Variants in PARP8 observed in about 807,000 individuals in gnomAD.
PARP8 encodes the protein protein mono-ADP-ribosyltransferase PARP8.
A neutral mutation model predicts 124.1 loss-of-function variants in PARP8; 51 were observed. The ratio of observed to expected loss-of-function variants is 0.41; its 90% CI spans 0.33 to 0.52. The LOEUF is 0.52. Ranked by LOEUF, PARP8 falls within the 20% of genes least tolerant of loss-of-function variation. PARP8 has a pLI of 0.21. For synonymous variants in PARP8, 391 were observed against 361.5 expected (o/e 1.08, Z -0.93); for missense variants, 860 against 1,018.9 (o/e 0.84, Z 2.12).
chr5:50,685,022 T>A (rs893262518), intron 2 of PARP8, among the ~76,000 whole-genome samples: 1 of 152,212 alleles, frequency 6.6e-6, no homozygotes, highest in Non-Finnish European at 1.5e-5. Flanking sequence ...TTGTTTTTTT[T>A]AAAGAAATGC....
chr5:50,761,956 C>A, intron 6 of PARP8, 58 bp downstream of exon 6: 2 of 1,138,676 alleles, frequency 1.8e-6, no homozygotes, highest in South Asian at 2.7e-5. Context: ...CCATGTTGTC[C>A]TAGTGGTAAT....
At chr5:50,812,077 G>A (rs925304464) in intron 14 of PARP8, among the ~76,000 whole-genome samples, 2 of 152,210 alleles carry the variant, frequency 1.3e-5, no homozygotes, top group Admixed American at 6.5e-5. Context: ...AGAGTCGCAT[G>A]ATTTATAATC....
intron 21 of PARP8, 100 bp downstream of exon 21, chr5:50,828,484 T>C: frequency 9.8e-7 from 1 of 1,025,212 alleles, no homozygotes; most frequent in Non-Finnish European, 1.5e-6. Flanking sequence ...AGAGGAAGCA[T>C]GTGAGTAAGA....
At chr5:50,821,484 T>C in intron 16 of PARP8, 146 bp downstream of exon 16, 1 of 909,892 alleles carries the variant, frequency 1.1e-6, no homozygotes, top group Non-Finnish European at 1.6e-6. Flanking sequence ...TCATCATATA[T>C]TTTTGGGGAT....
chr5:50,814,917 G>A (rs11950506), intron 14 of PARP8, among the ~76,000 whole-genome samples: 10,414 of 152,078 alleles, frequency 0.068, 400 homozygotes, highest in Middle Eastern at 0.11. Flanking sequence ...TAACCGTTTC[G>A]TTTGCAACAA....
At chr5:50,800,521 C>T (rs1330464410) in intron 14 of PARP8, among the ~76,000 whole-genome samples, 2 of 152,068 alleles carry the variant, frequency 1.3e-5, no homozygotes, top group South Asian at 2.1e-4. Flanking sequence ...AAATGTTCAG[C>T]CTTTCACTGT....
chr5:50,845,399 C>G lies in PARP8; in HGVS notation c.*3331C>G, dbSNP rs898246918. On this transcript the variant is annotated 3_prime_UTR_variant, in exon 26 of 26. Transcript: ENST00000281631. ...GGGTCATCTACCGTCTAAATAAATA[C>G]GGATTTCATGGTGGCATTTGAAGCA... 6.6e-6 allele frequency: 1 copy of G among 151,650 alleles called. No individual in the cohort carries two copies. The highest frequency in any genetic ancestry group is 2.4e-5 in the African/African-American group (1 of 41,348). The allele number at this position is 151,650 out of a possible 1,614,324, so 9.4% of individuals were successfully genotyped here. A position where few individuals can be genotyped will look rare whatever the true frequency, so the allele number is the denominator to read the frequency against.
rs144546947 is a variant in PARP8, at chr5:50,718,473, A to G, written c.147-31678A>G. Reference sequence around the variant, plus strand: ...TGTATACGTGTGTGTATGTATATATATACAATTATATATGTAATTTTTCTC... The same window carrying G: ...TGTATACGTGTGTGTATGTATATATGTACAATTATATATGTAATTTTTCTC... On this transcript the variant is annotated intron_variant, in intron 2 of 25. Transcript: ENST00000281631. Among the ~76,000 whole-genome samples, 300 of 151,984 alleles carry G rather than the reference A, an allele frequency of 2.0e-3. 1 individual carries two copies. The highest frequency in any genetic ancestry group is 6.8e-3 in the African/African-American group (282 of 41,498).
chr5:50,695,603 C>T (rs1366811210), intron 2 of PARP8, among the ~76,000 whole-genome samples: 1 of 152,104 alleles, frequency 6.6e-6, no homozygotes, highest in Non-Finnish European at 1.5e-5. Context: ...CATTTATATC[C>T]TGTGATTATT....
intron 7 of PARP8, among the ~76,000 whole-genome samples, 184 bp from the exon 8 acceptor site, chr5:50,777,885 A>G (rs1270672707): frequency 1.3e-5 from 2 of 152,240 alleles, no homozygotes; most frequent in Non-Finnish European, 2.9e-5. Context: ...TCAATGTGGT[A>G]TAAACAGAAA....
chr5:50,819,682 C>A (rs1378744492), intron 15 of PARP8, among the ~76,000 whole-genome samples: 1 of 152,006 alleles, frequency 6.6e-6, no homozygotes, highest in East Asian at 1.9e-4. Flanking sequence ...CTCAGGCAAT[C>A]CTCCCTCCTT....
Position 50,795,226 on chromosome 5 carries a change from A to G in PARP8, c.1237A>G (p.Ser413Gly), listed in dbSNP as rs1445087971. 3 of 1,614,094 alleles carry G rather than the reference A, an allele frequency of 1.9e-6. No individual in the cohort carries two copies. The African/African-American group carries it at 4.0e-5, about 22-fold the overall frequency. Residue 413 changes from serine (S) to glycine (G), a missense_variant, in exon 12 of 26, where the codon AGT (serine) becomes GGT (glycine). Physicochemically the swap from Ser to Gly is moderately conservative, Grantham distance 56 (BLOSUM62 0). Around this residue, in one of 2 missense-constraint regions of PARP8, gnomAD observed 517 missense variants for 544.2 expected, o/e 0.95. Transcript: ENST00000281631. ...PHKLLSRSYS[S>G]NLRMEELYGL... ...TAAACTGTTAAGCAGGTCTTACTCT[A>G]GTAATCTCAGAATGGAAGAATTATA... is the stretch of plus-strand genomic sequence containing the variant.
In PARP8 at chr5:50,824,903, T is replaced by C; in HGVS notation, c.1861-5T>C. The C allele has an allele frequency of 6.2e-7, 1 of 1,612,168 alleles. No homozygotes were observed. The highest frequency in any genetic ancestry group is 8.5e-7 in the Non-Finnish European group (1 of 1,178,548). ...AAATCAAGAAGTATAATGACTTTTT[T>C]TCAGGCACCATATCTGGAAATCAAG... On this transcript the variant is annotated splice_region_variant and splice_polypyrimidine_tract_variant and intron_variant, in intron 17 of 25. Coordinates refer to ENST00000281631, the MANE Select transcript of PARP8 (RefSeq NM_024615.4).
chr5:50,680,981 G>A (rs1579931566), intron 2 of PARP8, among the ~76,000 whole-genome samples: 1 of 152,076 alleles, frequency 6.6e-6, no homozygotes, highest in East Asian at 1.9e-4. Context: ...AATTTTGCAA[G>A]TGGTTAAGAT....
chr5:50,738,323 C>T (rs1461024897), intron 2 of PARP8, among the ~76,000 whole-genome samples: 1 of 152,030 alleles, frequency 6.6e-6, no homozygotes, highest in African/African-American at 2.4e-5. Flanking sequence ...GCAGTTTTTT[C>T]TTATGTAATG....
chr5:50,792,528 C>T (rs540373481), intron 10 of PARP8, among the ~76,000 whole-genome samples: 2 of 151,578 alleles, frequency 1.3e-5, no homozygotes, highest in East Asian at 1.9e-4. Flanking sequence ...AAGCACTTGC[C>T]GTCTTTCTTA....
At chr5:50,726,277 T>C (rs545131144) in intron 2 of PARP8, among the ~76,000 whole-genome samples, 2 of 152,182 alleles carry the variant, frequency 1.3e-5, no homozygotes, top group Non-Finnish European at 2.9e-5. Context: ...TTATGGTGTT[T>C]TATTTAATGA....
At chr5:50,781,437 T>C (rs911817012) in intron 9 of PARP8, among the ~76,000 whole-genome samples, 5 of 152,190 alleles carry the variant, frequency 3.3e-5, no homozygotes, top group Non-Finnish European at 7.4e-5. Flanking sequence ...TGGAAATTAG[T>C]GTGATGTGTG....
intron 16 of PARP8, 90 bp from the exon 17 acceptor site, chr5:50,822,245 A>C (rs952104766): frequency 1.1e-6 from 1 of 926,060 alleles, no homozygotes; most frequent in African/African-American, 1.7e-5. Context: ...AAATTCACAT[A>C]TGGAAATAAT....
Sources: gnomAD v4.1 joint callset for allele counts (sites outside exome capture counted in the v4.1 genomes callset) on GRCh38, gnomAD v4.1.1 for gene constraint, gnomAD v4.1.1 regional missense constraint, MANE v1.5 for transcripts, NCBI Gene and HGNC (gene_info 2026-07-23, HGNC 2026-07-21) for gene names.